CHN2: variants seen among roughly 807,000 people sequenced by gnomAD.
The protein encoded by CHN2 is beta-chimaerin.
CHN2 carries 35 observed loss-of-function variants against 56.3 expected under a neutral mutation model. The ratio of observed to expected loss-of-function variants is 0.62; its 90% CI spans 0.47 to 0.82. CHN2 has a LOEUF of 0.82. Among genes scored for constraint, CHN2 ranks in the 40% least tolerant of loss-of-function variants. The pLI is 0.00. For synonymous variants in CHN2, 210 were observed against 212.8 expected (o/e 0.99, Z 0.12); for missense variants, 491 against 580.5 (o/e 0.85, Z 1.58).
chr7:29,196,983 C>T (rs1393875433), intron 1 of CHN2, among the ~76,000 whole-genome samples: 1 of 152,174 alleles, frequency 6.6e-6, no homozygotes, highest in Non-Finnish European at 1.5e-5. Flanking sequence ...TTTATACTGC[C>T]TAATTCCCCA....
At chr7:29,231,320 G>A (rs1194680976) in intron 1 of CHN2, among the ~76,000 whole-genome samples, 9 of 152,106 alleles carry the variant, frequency 5.9e-5, no homozygotes, top group Non-Finnish European at 8.8e-5. Flanking sequence ...GGGAGAGTGC[G>A]GTGAAATGAG....
intron 2 of CHN2, chr7:29,185,408 C>G (rs532356654): frequency 6.6e-6 from 1 of 152,280 alleles, no homozygotes; most frequent in South Asian, 2.1e-4. Context: ...TTTCTCATAT[C>G]ATGATGTCTG....
intron 6 of CHN2, among the ~76,000 whole-genome samples, chr7:29,414,007 A>T (rs1803492054): frequency 6.6e-6 from 1 of 152,194 alleles, no homozygotes; most frequent in Non-Finnish European, 1.5e-5. Flanking sequence ...GATTTCTAAG[A>T]GAACAATCTC....
At chr7:29,290,054 G>T (rs1417149387) in intron 1 of CHN2, among the ~76,000 whole-genome samples, 1 of 152,196 alleles carries the variant, frequency 6.6e-6, no homozygotes, top group Non-Finnish European at 1.5e-5. Context: ...ATTAGAATTT[G>T]GATCTTTAGG....
At chr7:29,250,162 C>G (rs569191849) in intron 1 of CHN2, among the ~76,000 whole-genome samples, 1 of 152,326 alleles carries the variant, frequency 6.6e-6, no homozygotes, top group East Asian at 1.9e-4. Flanking sequence ...ATGGCACTCC[C>G]TGGGATGAAA....
At chr7:29,511,289 T>C (rs1791350504) in intron 12 of CHN2, among the ~76,000 whole-genome samples, 1 of 143,010 alleles carries the variant, frequency 7.0e-6, no homozygotes, top group Non-Finnish European at 1.5e-5. Flanking sequence ...CTGATTAATT[T>C]ACTGAATTTA....
intron 6 of CHN2, among the ~76,000 whole-genome samples, chr7:29,462,359 A>T (rs188806026): frequency 5.1e-4 from 78 of 152,310 alleles, no homozygotes; most frequent in African/African-American, 1.9e-3. Context: ...CCATTGTCTT[A>T]CGGTTGCATG....
chr7:29,442,937 T>TTTTTTTTTCTTTTTTC (rs1783763025), intron 6 of CHN2, among the ~76,000 whole-genome samples: 1 of 122,272 alleles, frequency 8.2e-6, no homozygotes, highest in Non-Finnish European at 1.7e-5. Flanking sequence ...TGAATTTCTT[T>TTTTTTTTTCTTTTTTC]TTTTTTTTTT....
intron 1 of CHN2, among the ~76,000 whole-genome samples, chr7:29,352,907 G>A (rs911598747): frequency 6.6e-6 from 1 of 152,170 alleles, no homozygotes; most frequent in Non-Finnish European, 1.5e-5. Context: ...AAATTGATTT[G>A]TGTCACCTAA....
chr7:29,248,617 C>T (rs137900045), intron 1 of CHN2, among the ~76,000 whole-genome samples: 2 of 152,204 alleles, frequency 1.3e-5, no homozygotes, highest in East Asian at 3.9e-4. Flanking sequence ...GGTTCCCTCC[C>T]TCTTAAGCCT....
intron 7 of CHN2, among the ~76,000 whole-genome samples, chr7:29,493,050 A>G (rs1169180397): frequency 6.6e-6 from 1 of 152,208 alleles, no homozygotes; most frequent in African/African-American, 2.4e-5. Flanking sequence ...AACCACATAT[A>G]TCATGGTGAA....
intron 1 of CHN2, among the ~76,000 whole-genome samples, chr7:29,317,430 T>A (rs1795036733): frequency 6.6e-6 from 1 of 152,138 alleles, no homozygotes; most frequent in South Asian, 2.1e-4. Flanking sequence ...ATGTGCAAAG[T>A]GTGGTCCATG....
chr7:29,159,516 A>C (rs1295526763), intron 2 of CHN2, among the ~76,000 whole-genome samples: 2 of 152,200 alleles, frequency 1.3e-5, no homozygotes, highest in African/African-American at 2.4e-5. Flanking sequence ...TTATCATGTA[A>C]CATGTATGTG....
chr7:29,451,683 T>C (rs1784414944), intron 6 of CHN2, among the ~76,000 whole-genome samples: 1 of 152,088 alleles, frequency 6.6e-6, no homozygotes, highest in Non-Finnish European at 1.5e-5. Context: ...CAACCACATA[T>C]AATAATCATG....
chr7:29,306,414 A>G (rs1794171828), intron 1 of CHN2, among the ~76,000 whole-genome samples: 1 of 152,222 alleles, frequency 6.6e-6, no homozygotes, highest in Admixed American at 6.5e-5. Flanking sequence ...TTTAATAAAT[A>G]ATAGAGGATT....
chr7:29,487,746 C>T (rs1788194628), intron 7 of CHN2, among the ~76,000 whole-genome samples: 1 of 151,956 alleles, frequency 6.6e-6, no homozygotes, highest in South Asian at 2.1e-4. Context: ...CTCTTCCTTC[C>T]TCTGTCTCTC....
chr7:29,360,714 G>A (rs567268073), intron 2 of CHN2, among the ~76,000 whole-genome samples: 1 of 152,256 alleles, frequency 6.6e-6, no homozygotes, highest in East Asian at 1.9e-4. Flanking sequence ...AAGTGCCTGG[G>A]TTCAGCTCCT....
chr7:29,291,333 A>G (rs1584975848), intron 1 of CHN2, among the ~76,000 whole-genome samples: 1 of 152,196 alleles, frequency 6.6e-6, no homozygotes, highest in South Asian at 2.1e-4. Context: ...TAAGAGACAG[A>G]TTAACAACTG....
chr7:29,348,200 T>A (rs1797609474), intron 1 of CHN2, among the ~76,000 whole-genome samples: 1 of 152,186 alleles, frequency 6.6e-6, no homozygotes, highest in African/African-American at 2.4e-5. Flanking sequence ...CCCTAGTCTT[T>A]CTCAGACATG....
Sources: allele counts gnomAD v4.1 joint callset (sites outside exome capture counted in the v4.1 genomes callset), GRCh38; gene constraint gnomAD v4.1.1; transcripts MANE v1.5; gene names NCBI Gene and HGNC (gene_info 2026-07-23, HGNC 2026-07-21).